Variants in SATB2 observed in about 807,000 individuals in gnomAD.
SATB2 encodes the protein SATB homeobox 2, also known as DNA-binding protein SATB2.
In SATB2, 1 loss-of-function variant was observed where a neutral mutation model predicts 73.4. The observed-to-expected ratio is 0.01, with a 90% CI of 0.00 to 0.06. The LOEUF is 0.06. Ranked by LOEUF, SATB2 falls within the 10% of genes least tolerant of loss-of-function variation. The pLI, the probability that SATB2 is intolerant of heterozygous loss-of-function variation, is 1.00. For synonymous variants in SATB2, 397 were observed against 367.0 expected (o/e 1.08, Z -0.93); for missense variants, 459 against 945.8 (o/e 0.49, Z 6.75).
chr2:199,426,435 T>G (rs1376481961), intron 3 of SATB2, among the ~76,000 whole-genome samples: 1 of 151,704 alleles, frequency 6.6e-6, no homozygotes, highest in Non-Finnish European at 1.5e-5. Context: ...ATTACAGGTG[T>G]GCGCCACTGT....
intron 6 of SATB2, among the ~76,000 whole-genome samples, chr2:199,355,297 T>C (rs1688938384): frequency 6.7e-6 from 1 of 149,416 alleles, no homozygotes. Flanking sequence ...TGTGTATATA[T>C]ACAAGGATGT....
intron 5 of SATB2, among the ~76,000 whole-genome samples, chr2:199,374,861 G>C (rs917027286): frequency 6.6e-6 from 1 of 152,026 alleles, no homozygotes; most frequent in African/African-American, 2.4e-5. Flanking sequence ...CTACTTGGGA[G>C]GCTGAGCGGG....
At chr2:199,401,791 T>C (rs548507431) in intron 3 of SATB2, among the ~76,000 whole-genome samples, 17 of 152,232 alleles carry the variant, frequency 1.1e-4, no homozygotes, top group African/African-American at 4.1e-4. Context: ...GTGTTGCAGA[T>C]GCAGATCAGA....
intron 7 of SATB2, among the ~76,000 whole-genome samples, chr2:199,330,453 C>A (rs949084787): frequency 3.3e-5 from 5 of 152,100 alleles, no homozygotes; most frequent in Non-Finnish European, 1.5e-5. Flanking sequence ...AGATCAGTGT[C>A]TTTTGTGTGC....
At chr2:199,339,105 T>C (rs1688428942) in intron 7 of SATB2, among the ~76,000 whole-genome samples, 1 of 152,082 alleles carries the variant, frequency 6.6e-6, no homozygotes, top group African/African-American at 2.4e-5. Flanking sequence ...GCTGCTAAAT[T>C]AGCCTTCTCT....
At position 199,329,744 on chromosome 2, in the gene SATB2, C is replaced by T. The variant is rs553727548; in HGVS notation, c.1174-834G>A. ...AAGTCAGGGTTTTCATGTGCTCTGA[C>T]GACAGAGAATTCACAAAGAAAAGGA... On this transcript the variant is annotated intron_variant, in intron 7 of 10. Coordinates refer to ENST00000417098, the MANE Select transcript of SATB2 (RefSeq NM_001172509.2). Among the ~76,000 whole-genome samples the T allele has an allele frequency of 5.9e-5, 9 of 152,110 alleles. No homozygotes were observed. In the East Asian group the frequency reaches 1.4e-3, roughly 23 times the overall value.
intron 10 of SATB2, among the ~76,000 whole-genome samples, chr2:199,296,589 G>A (rs1262422563): frequency 3.9e-5 from 6 of 152,146 alleles, no homozygotes; most frequent in Non-Finnish European, 7.3e-5. Flanking sequence ...CTACCTTGGA[G>A]GCTGAGGTAG....
intron 3 of SATB2, among the ~76,000 whole-genome samples, chr2:199,427,569 TATA>T (rs1691373831): frequency 6.6e-6 from 1 of 152,092 alleles, no homozygotes; most frequent in Non-Finnish European, 1.5e-5. Context: ...ATGGATAAAA[TATA>T]ATATCTAAGA....
upstream of SATB2, among the ~76,000 whole-genome samples, chr2:199,462,256 TG>T (rs1406693450): frequency 6.6e-6 from 1 of 152,168 alleles, no homozygotes; most frequent in Admixed American, 6.5e-5. The surrounding 1 kb of genome is among the most constrained non-coding windows in gnomAD (Gnocchi z 5.9). Context: ...CTTGCCCTCC[TG>T]GGGGCGGGAG....
At chr2:199,397,194 A>T (rs1193254012) in intron 3 of SATB2, among the ~76,000 whole-genome samples, 2 of 152,258 alleles carry the variant, frequency 1.3e-5, no homozygotes, top group Non-Finnish European at 2.9e-5. Flanking sequence ...ACACAGAAAT[A>T]TACCTTGAAT....
chr2:199,356,215 G>GAACATA (rs1488811043), intron 6 of SATB2, among the ~76,000 whole-genome samples: 13 of 57,856 alleles, frequency 2.2e-4, no homozygotes, highest in Admixed American at 1.7e-3. Context: ...CTGGGTAGAA[G>GAACATA]AACATAAGCC....
rs1472671124 is a variant in SATB2, at chr2:199,455,128, C to T, written c.169+741G>A. 1.3e-5 allele frequency among the ~76,000 whole-genome samples: 2 copies of T among 152,066 alleles called. No homozygotes were observed. Among genetic ancestry groups the T allele is most frequent in the East Asian group, 3.8e-4 (2 of 5,200 alleles). ...ATTTTGTATGATTGCTTTTCCTGAC[C>T]ACTTTAAAAGAAAGTAGTTGCTTAA... is the stretch of plus-strand genomic sequence containing the variant. On this transcript the variant is annotated intron_variant, in intron 2 of 10. Transcript: ENST00000417098. This position sits in a 1 kb window ranked among gnomAD's most constrained non-coding sequence, Gnocchi z 4.1.
At chr2:199,366,186 A>G (rs1203644423) in intron 6 of SATB2, among the ~76,000 whole-genome samples, 4 of 152,124 alleles carry the variant, frequency 2.6e-5, no homozygotes, top group African/African-American at 4.8e-5. Context: ...GCTGAGAGGG[A>G]CATGGAACTC....
intron 5 of SATB2, among the ~76,000 whole-genome samples, chr2:199,369,118 G>A (rs1291652304): frequency 2.6e-5 from 4 of 152,140 alleles, no homozygotes; most frequent in Non-Finnish European, 4.4e-5. Context: ...GAGAACATCC[G>A]TGCTACACAC....
rs1692326574 is a variant in SATB2, at chr2:199,457,630, G to C, written c.-351C>G. On this transcript the variant is annotated 5_prime_UTR_variant, in exon 1 of 11. Coordinates refer to ENST00000417098, the MANE Select transcript of SATB2 (RefSeq NM_001172509.2). This position sits in a 1 kb window ranked among gnomAD's most constrained non-coding sequence, Gnocchi z 4.8. ...GGACACCCGAGCGAGCGGGGGAGGG[G>C]ACGGCGGAGGAGGGGGGAAGAGAAG... 6.5e-6 allele frequency: 1 copy of C among 153,330 alleles called. No individual in the cohort carries two copies. Among genetic ancestry groups the C allele is most frequent in the African/African-American group, 2.4e-5 (1 of 41,370 alleles). The allele number at this position is 153,330 out of a possible 1,614,324, so 9.5% of individuals were successfully genotyped here. A position where few individuals can be genotyped will look rare whatever the true frequency, so the allele number is the denominator to read the frequency against.
chr2:199,305,024 T>C (rs1214434916), intron 10 of SATB2, among the ~76,000 whole-genome samples: 1 of 152,110 alleles, frequency 6.6e-6, no homozygotes, highest in Non-Finnish European at 1.5e-5. Flanking sequence ...AAAATTATAA[T>C]AAATTAATAT....
Position 199,455,969 on chromosome 2 carries a change from G to T in SATB2, c.69C>A (p.Val23=). Reference sequence around the variant, plus strand: ...CCACCTTCACTGGGGGAGGCCCCTTGACGTCCGGGCTGCCGCTCCGCCGGT... The same window carrying T: ...CCACCTTCACTGGGGGAGGCCCCTTTACGTCCGGGCTGCCGCTCCGCCGGT... ...SPDRRSGSPD[V]KGPPPVKVAR... The change falls in exon 2 of 11, where the codon GTC becomes GTA. Residue 23 remains valine, a synonymous_variant. Transcript: ENST00000417098. This position sits in a 1 kb window ranked among gnomAD's most constrained non-coding sequence, Gnocchi z 4.1. 6.5e-7 allele frequency: 1 copy of T among 1,539,418 alleles called. No homozygotes were observed.
intron 10 of SATB2, among the ~76,000 whole-genome samples, chr2:199,295,773 G>T (rs1693013180): frequency 1.3e-5 from 2 of 152,054 alleles, no homozygotes; most frequent in South Asian, 2.1e-4. Flanking sequence ...AAGGTGAAGG[G>T]TTATATGATT....
intron 3 of SATB2, among the ~76,000 whole-genome samples, 179 bp downstream of exon 3, chr2:199,433,159 A>T (rs1016989935): frequency 2.6e-5 from 4 of 152,230 alleles, no homozygotes; most frequent in African/African-American, 4.8e-5. Flanking sequence ...GTGCTGGTCA[A>T]ATGCTTCCCA....
Sources: gnomAD v4.1 joint callset for allele counts (sites outside exome capture counted in the v4.1 genomes callset) on GRCh38, gnomAD v4.1.1 for gene constraint, Gnocchi (gnomAD v3.1) non-coding constraint, MANE v1.5 for transcripts, NCBI Gene and HGNC (gene_info 2026-07-23, HGNC 2026-07-21) for gene names.